Variants in LHFPL3 observed in about 807,000 individuals in gnomAD.
LHFPL3 encodes the protein LHFPL tetraspan subfamily member 3 protein.
LHFPL3 carries 5 observed loss-of-function variants against 19.3 expected under a neutral mutation model. That is an observed-to-expected ratio of 0.26 (90% CI 0.14 to 0.54). LHFPL3 has a LOEUF of 0.54. Ranked by LOEUF, LHFPL3 falls within the 20% of genes least tolerant of loss-of-function variation. LHFPL3 has a pLI of 0.94. For missense variants in LHFPL3, 249 were observed against 307.4 expected, an observed-to-expected ratio of 0.81 and a Z score of 1.42; for synonymous variants, 133 against 126.2, an observed-to-expected ratio of 1.05 and a Z score of -0.36.
At chr7:104,393,437 G>T (rs142626175) in intron 1 of LHFPL3, among the ~76,000 whole-genome samples, 2,007 of 152,224 alleles carry the variant, frequency 0.013, 25 homozygotes, top group South Asian at 0.018. Context: ...AAAATGTCAG[G>T]CTGGGCATGG....
At chr7:104,563,256 C>A (rs550884285) in intron 1 of LHFPL3, among the ~76,000 whole-genome samples, 2 of 152,382 alleles carry the variant, frequency 1.3e-5, no homozygotes, top group East Asian at 3.9e-4. Context: ...CAAGCCTGGG[C>A]AATGGCGGGC....
At chr7:104,382,192 A>T (rs1435332356) in intron 1 of LHFPL3, among the ~76,000 whole-genome samples, 1 of 152,232 alleles carries the variant, frequency 6.6e-6, no homozygotes, top group Non-Finnish European at 1.5e-5. Flanking sequence ...CAGTATCTGC[A>T]TCACCAGGAA....
intron 1 of LHFPL3, among the ~76,000 whole-genome samples, chr7:104,485,468 A>G (rs959279679): frequency 6.6e-6 from 1 of 151,944 alleles, no homozygotes; most frequent in Non-Finnish European, 1.5e-5. Context: ...CATAAGTTAT[A>G]TTGGTCTGTA....
chr7:104,594,039 C>G (rs537412530), intron 1 of LHFPL3, among the ~76,000 whole-genome samples: 1 of 152,244 alleles, frequency 6.6e-6, no homozygotes, highest in South Asian at 2.1e-4. Flanking sequence ...GATTTACATT[C>G]AAGGTTAATA....
At chr7:104,847,036 G>GAAGAACAAGGGCAGGAAA (rs1171983638) in intron 2 of LHFPL3, among the ~76,000 whole-genome samples, 2 of 152,226 alleles carry the variant, frequency 1.3e-5, no homozygotes, top group African/African-American at 4.8e-5. Context: ...ACTAACTGAA[G>GAAGAACAAGGGCAGGAAA]AAGAACAAGG....
Position 104,415,807 on chromosome 7 carries a change from TCTA to T in LHFPL3, c.445+86587_445+86589del, listed in dbSNP as rs148569388. On this transcript the variant is annotated intron_variant, in intron 1 of 2. Coordinates refer to ENST00000424859, the MANE Select transcript of LHFPL3 (RefSeq NM_199000.3). ...ATTATTTAAGGACATTAGAGTAGCT[TCTA>T]CTAGAATGTTCGGAAGGGCTATAGT... Among the ~76,000 whole-genome samples, 1,253 of 152,272 alleles carry T rather than the reference TCTA, an allele frequency of 8.2e-3. 71 individuals carry two copies. The East Asian group carries it at 0.16, about 19-fold the overall frequency.
chr7:104,472,132 G>A (rs1792921672), intron 1 of LHFPL3, among the ~76,000 whole-genome samples: 1 of 150,086 alleles, frequency 6.7e-6, no homozygotes, highest in Admixed American at 6.6e-5. Flanking sequence ...AGCTATGATT[G>A]CACCACTGCA....
At chr7:104,512,167 C>T (rs1256656863) in intron 1 of LHFPL3, among the ~76,000 whole-genome samples, 2 of 151,904 alleles carry the variant, frequency 1.3e-5, no homozygotes, top group African/African-American at 2.4e-5. Context: ...ATTGGCCAGA[C>T]TGGTCTCAAA....
At chr7:104,454,855 G>A (rs922649668) in intron 1 of LHFPL3, among the ~76,000 whole-genome samples, 1 of 152,050 alleles carries the variant, frequency 6.6e-6, no homozygotes, top group Non-Finnish European at 1.5e-5. Context: ...TTATAATTTT[G>A]TTCCTATATT....
intron 2 of LHFPL3, among the ~76,000 whole-genome samples, chr7:104,812,889 A>G (rs1456190905): frequency 6.8e-6 from 1 of 147,694 alleles, no homozygotes; most frequent in Non-Finnish European, 1.5e-5. Context: ...CGAGGTGGGC[A>G]GGTCACAAGG....
chr7:104,620,037 G>T (rs570115160), intron 1 of LHFPL3, among the ~76,000 whole-genome samples: 2 of 152,294 alleles, frequency 1.3e-5, no homozygotes, highest in East Asian at 3.9e-4. Context: ...CAGAGCTTAG[G>T]CCATAATGCT....
In LHFPL3 at chr7:104,521,206, C is replaced by A. The variant is rs549191595; in HGVS notation, c.445+191982C>A. On this transcript the variant is annotated intron_variant, in intron 1 of 2. Coordinates refer to ENST00000424859, the MANE Select transcript of LHFPL3 (RefSeq NM_199000.3). ...ATTTCTGCCTTCATTTCGTTATGTA[C>A]CCAGTATTCATTCAGGAGCAGGTTG... Among the ~76,000 whole-genome samples, 19 of 152,176 alleles carry A rather than the reference C, an allele frequency of 1.2e-4. No individual in the cohort carries two copies. In the South Asian group the frequency reaches 2.5e-3, roughly 20 times the overall value.
At chr7:104,599,948 A>T (rs1421439768) in intron 1 of LHFPL3, among the ~76,000 whole-genome samples, 1 of 152,196 alleles carries the variant, frequency 6.6e-6, no homozygotes, top group African/African-American at 2.4e-5. Context: ...TTATCCCCCG[A>T]CATTACTAAG....
intron 1 of LHFPL3, among the ~76,000 whole-genome samples, chr7:104,719,973 C>G (rs753983046): frequency 6.6e-5 from 10 of 152,112 alleles, no homozygotes; most frequent in Non-Finnish European, 1.3e-4. Context: ...TATTTCCGAA[C>G]CTGACCTCCA....
chr7:104,362,679 A>G (rs1455417529), intron 1 of LHFPL3, among the ~76,000 whole-genome samples: 1 of 152,206 alleles, frequency 6.6e-6, no homozygotes, highest in African/African-American at 2.4e-5. Flanking sequence ...AGAGTTTAAT[A>G]CTGTACACCC....
intron 1 of LHFPL3, among the ~76,000 whole-genome samples, chr7:104,430,356 T>A (rs1343474169): frequency 4.5e-5 from 5 of 110,928 alleles, no homozygotes. Context: ...CACTTGAAAT[T>A]TGCATTTCTG....
At chr7:104,898,602 G>A (rs1792415295) in intron 2 of LHFPL3, among the ~76,000 whole-genome samples, 1 of 152,160 alleles carries the variant, frequency 6.6e-6, no homozygotes, top group Non-Finnish European at 1.5e-5. Context: ...AATCTCCTCT[G>A]ATGTTTACAT....
chr7:104,388,693 C>T (rs73712117), intron 1 of LHFPL3, among the ~76,000 whole-genome samples: 2,330 of 152,190 alleles, frequency 0.015, 49 homozygotes, highest in African/African-American at 0.053. Context: ...AATCCATGAA[C>T]AAGTGGCACT....
At chr7:104,736,631 C>T in intron 1 of LHFPL3, 44 bp from the exon 2 acceptor site, 1 of 1,292,886 alleles carries the variant, frequency 7.7e-7, no homozygotes, top group Non-Finnish European at 1.1e-6. Flanking sequence ...AATTTATTGA[C>T]TTATCTTTTT....
Sources: allele counts gnomAD v4.1 joint callset (sites outside exome capture counted in the v4.1 genomes callset), GRCh38; gene constraint gnomAD v4.1.1; transcripts MANE v1.5; gene names NCBI Gene and HGNC (gene_info 2026-07-23, HGNC 2026-07-21).